MEF2D: variants seen among roughly 807,000 people sequenced by gnomAD.
The protein encoded by MEF2D is myocyte-specific enhancer factor 2D.
A neutral mutation model predicts 59.3 loss-of-function variants in MEF2D; 10 were observed. The ratio of observed to expected loss-of-function variants is 0.17; its 90% CI spans 0.10 to 0.29. The LOEUF (loss-of-function observed/expected upper bound fraction) is 0.29, where lower values mean the gene tolerates loss of function less well. Among genes scored for constraint, MEF2D ranks in the 10% least tolerant of loss-of-function variants. The pLI is 1.00. For missense variants in MEF2D, 508 were observed against 699.4 expected, an observed-to-expected ratio of 0.73 and a Z score of 3.09; for synonymous variants, 305 against 295.0, an observed-to-expected ratio of 1.03 and a Z score of -0.35.
At chr1:156,496,370 AGAG>A (rs1417485929) in intron 1 of MEF2D, among the ~76,000 whole-genome samples, 1 of 152,116 alleles carries the variant, frequency 6.6e-6, no homozygotes, top group Non-Finnish European at 1.5e-5. Flanking sequence ...CTGGGGCCCA[AGAG>A]GAGGGACCCG....
intron 6 of MEF2D, among the ~76,000 whole-genome samples, chr1:156,478,877 T>C (rs1438189597): frequency 6.6e-6 from 1 of 152,224 alleles, no homozygotes; most frequent in Non-Finnish European, 1.5e-5. Flanking sequence ...ATCTAACATC[T>C]GGATACTTCT....
At chr1:156,477,750 T>G (rs1201875008) in intron 6 of MEF2D, among the ~76,000 whole-genome samples, 2 of 152,160 alleles carry the variant, frequency 1.3e-5, no homozygotes, top group East Asian at 3.8e-4. Flanking sequence ...GGGTGGATGA[T>G]GTGATTTGGA....
intron 8 of MEF2D, 106 bp from the exon 9 acceptor site, chr1:156,475,343 C>CACCCCGCCTTGGCTTT: frequency 1.4e-6 from 2 of 1,404,292 alleles, no homozygotes; most frequent in Non-Finnish European, 1.9e-6. Flanking sequence ...AAAGCCAAGG[C>CACCCCGCCTTGGCTTT]GGGGTGCCTT....
At chr1:156,481,078 T>C in intron 3 of MEF2D, 107 bp from the exon 4 acceptor site, 3 of 1,497,114 alleles carry the variant, frequency 2.0e-6, no homozygotes, top group Non-Finnish European at 1.8e-6. Flanking sequence ...CCCGACCTCC[T>C]TCTTCAGGGT....
rs111450230 is a variant in MEF2D at position 156,468,120 on chromosome 1, C to A, written c.1427G>T (p.Gly476Val). The A allele has an allele frequency of 1.3e-3, 2,098 of 1,614,020 alleles. 5 individuals are homozygous for A. The highest frequency in any genetic ancestry group is 1.7e-3 in the Non-Finnish European group (1,996 of 1,179,942). ...ATCCCGGTCTCCCGTCTCATAGGAT[C>A]CCCCGGCTGGGCTGCTGAGACCATC... ...PGDGLSSPAGGSYETGDRDDG... is the reference protein window; with the variant it reads ...PGDGLSSPAGVSYETGDRDDG... The change falls in exon 11 of 12, where the codon GGA (glycine) becomes GTA (valine). Residue 476 changes from glycine (G) to valine (V), a missense_variant. Transcript: ENST00000348159. The surrounding 1 kb of genome is among the most constrained non-coding windows in gnomAD (Gnocchi z 4.3).
At chr1:156,493,760 T>A (rs960188742) in intron 1 of MEF2D, among the ~76,000 whole-genome samples, 1 of 152,140 alleles carries the variant, frequency 6.6e-6, no homozygotes, top group South Asian at 2.1e-4. Context: ...GAGTTATCCT[T>A]CCTCTGAGGG....
chr1:156,484,914 C>T (rs575558739), intron 1 of MEF2D, among the ~76,000 whole-genome samples: 1 of 152,306 alleles, frequency 6.6e-6, no homozygotes, highest in South Asian at 2.1e-4. Context: ...GACTTCAGGG[C>T]CCCCTCTAGC....
At chr1:156,470,581 G>A (rs968230586) in intron 9 of MEF2D, among the ~76,000 whole-genome samples, 1 of 152,088 alleles carries the variant, frequency 6.6e-6, no homozygotes, top group Non-Finnish European at 1.5e-5. Context: ...TTGTTTTTAT[G>A]CAGGGAAGAC....
rs1671604326 is a variant in MEF2D at position 156,476,346 on chromosome 1, A to G, written c.876+148T>C. ...CACCTTTGAATCCCACTTGGCACCT[A>G]AGCACAGCTCCTGGCAACTAAGCAA... On this transcript the variant is annotated intron_variant, in intron 8 of 11. Transcript: ENST00000348159. 6 of 948,640 alleles carry G rather than the reference A, an allele frequency of 6.3e-6. No individual in the cohort carries two copies. The African/African-American group carries it at 8.1e-5, about 13-fold the overall frequency. 58.8% of individuals were successfully genotyped at this position (948,640 alleles called of 1,614,324 possible).
In MEF2D at chr1:156,467,022, G is replaced by C. The variant is rs995441805; in HGVS notation, c.*623C>G. On this transcript the variant is annotated 3_prime_UTR_variant, in exon 12 of 12. Transcript: ENST00000348159. The stretch of plus-strand genomic sequence containing the variant: ...GGGGGTGCAGCACACACAAGAATCA[G>C]CGCAGGTGTGGCACGTGTGTGTGCA... 1 of 152,636 alleles carries C rather than the reference G, an allele frequency of 6.6e-6. No individual in the cohort carries two copies. Among genetic ancestry groups the C allele is most frequent in the East Asian group, 1.9e-4 (1 of 5,192 alleles). 9.5% of individuals were successfully genotyped at this position (152,636 alleles called of 1,614,324 possible).
At chr1:156,480,765 T>C (rs771924069) in intron 4 of MEF2D, 69 bp downstream of exon 4, 2 of 1,594,460 alleles carry the variant, frequency 1.3e-6, no homozygotes, top group South Asian at 2.2e-5. Context: ...TCCCTGTGCT[T>C]CTTGTGCAGC....
chr1:156,477,502 T>C (rs1009786047), intron 6 of MEF2D, among the ~76,000 whole-genome samples: 2 of 152,196 alleles, frequency 1.3e-5, no homozygotes, highest in African/African-American at 4.8e-5. Context: ...CCATTGCCTC[T>C]AGGCTCTGCG....
chr1:156,494,402 A>T (rs1052059006), intron 1 of MEF2D, among the ~76,000 whole-genome samples: 5 of 152,160 alleles, frequency 3.3e-5, no homozygotes, highest in African/African-American at 1.2e-4. Context: ...ATAAGCAAGC[A>T]TGCAGCCAGA....
chr1:156,496,634 CA>C (rs949130552), intron 1 of MEF2D, among the ~76,000 whole-genome samples: 5 of 152,202 alleles, frequency 3.3e-5, no homozygotes, highest in Non-Finnish European at 7.3e-5. Context: ...CCGGTCCCCT[CA>C]ACCCCATCCC....
At chr1:156,476,739 G>A (rs1399735627) in intron 7 of MEF2D, among the ~76,000 whole-genome samples, 1 of 152,092 alleles carries the variant, frequency 6.6e-6, no homozygotes, top group Admixed American at 6.5e-5. Context: ...CATCCCTCCT[G>A]CTATAGTGGC....
intron 1 of MEF2D, 138 bp downstream of exon 1, chr1:156,500,348 G>C (rs978931383): frequency 6.5e-6 from 1 of 152,878 alleles, no homozygotes; most frequent in Non-Finnish European, 1.5e-5. Flanking sequence ...GGCCCGCTTC[G>C]CGAGTTCCTC....
At chr1:156,480,369 A>G (rs1020765969) in intron 4 of MEF2D, among the ~76,000 whole-genome samples, 1 of 152,118 alleles carries the variant, frequency 6.6e-6, no homozygotes, top group African/African-American at 2.4e-5. Context: ...CTGGACAAAG[A>G]GCACACTCCA....
chr1:156,496,740 T>C (rs1673151870), intron 1 of MEF2D, among the ~76,000 whole-genome samples: 1 of 152,210 alleles, frequency 6.6e-6, no homozygotes, highest in Non-Finnish European at 1.5e-5. Context: ...CCAGTGTGTA[T>C]GTGTTGCACA....
At chr1:156,493,647 C>G (rs1672956484) in intron 1 of MEF2D, among the ~76,000 whole-genome samples, 1 of 152,198 alleles carries the variant, frequency 6.6e-6, no homozygotes, top group African/African-American at 2.4e-5. Context: ...TTACCAATAC[C>G]TGGCTTCTCA....
Sources: allele counts gnomAD v4.1 joint callset (sites outside exome capture counted in the v4.1 genomes callset), GRCh38; gene constraint gnomAD v4.1.1; non-coding constraint Gnocchi (gnomAD v3.1); transcripts MANE v1.5; gene names NCBI Gene and HGNC (gene_info 2026-07-23, HGNC 2026-07-21).